Variants in NBEA observed in about 807,000 individuals in gnomAD.
The protein encoded by NBEA is lysosomal-trafficking regulator 2.
Under a neutral mutation model 343.4 loss-of-function variants are expected in NBEA, and 44 were observed. That is an observed-to-expected ratio of 0.13 (90% CI 0.10 to 0.16). NBEA has a LOEUF of 0.16. Among genes scored for constraint, NBEA ranks in the 10% least tolerant of loss-of-function variants. The probability of loss-of-function intolerance (pLI) is 1.00; values close to 1 mark genes in which losing one functional copy is unlikely to be tolerated. For synonymous variants in NBEA, 1,175 were observed against 1,238.7 expected (o/e 0.95, Z 1.08); for missense variants, 2,555 against 3,631.3 (o/e 0.70, Z 7.62).
intron 10 of NBEA, among the ~76,000 whole-genome samples, chr13:35,077,906 A>T (rs780607058): frequency 2.0e-5 from 3 of 152,186 alleles, no homozygotes; most frequent in Non-Finnish European, 4.4e-5. Flanking sequence ...ACATGTATTT[A>T]TGAATAAAAG....
At chr13:35,168,317 A>G (rs1184413026) in intron 24 of NBEA, among the ~76,000 whole-genome samples, 2 of 151,588 alleles carry the variant, frequency 1.3e-5, no homozygotes, top group Admixed American at 1.3e-4. Context: ...GAATATAATG[A>G]ATATAATTAT....
intron 45 of NBEA, among the ~76,000 whole-genome samples, chr13:35,568,073 C>T (rs1234726893): frequency 1.3e-5 from 2 of 152,160 alleles, no homozygotes; most frequent in African/African-American, 2.4e-5. Context: ...GATCTAATGA[C>T]ATGTACATTT....
At chr13:35,390,443 A>C (rs1452255262) in intron 38 of NBEA, among the ~76,000 whole-genome samples, 1 of 152,204 alleles carries the variant, frequency 6.6e-6, no homozygotes, top group Non-Finnish European at 1.5e-5. Flanking sequence ...TTCTTTCCCA[A>C]ACTGGAAACT....
At chr13:35,222,037 T>C (rs923419182) in intron 33 of NBEA, among the ~76,000 whole-genome samples, 1 of 152,174 alleles carries the variant, frequency 6.6e-6, no homozygotes, top group Admixed American at 6.6e-5. Flanking sequence ...AGCAGGAGAA[T>C]TTGCCTATTA....
At chr13:35,238,016 G>A (rs1204138815) in intron 34 of NBEA, among the ~76,000 whole-genome samples, 1 of 152,078 alleles carries the variant, frequency 6.6e-6, no homozygotes, top group African/African-American at 2.4e-5. Context: ...TTTTCTCTTA[G>A]CAATAATTAA....
chr13:34,971,243 T>G (rs1218557778), intron 1 of NBEA, among the ~76,000 whole-genome samples: 4 of 152,176 alleles, frequency 2.6e-5, no homozygotes, highest in Non-Finnish European at 5.9e-5. Flanking sequence ...AAGATTTCCC[T>G]GTAGTTGTTT....
chr13:35,101,711 G>A (rs1357326369), intron 11 of NBEA, among the ~76,000 whole-genome samples: 2 of 150,740 alleles, frequency 1.3e-5, no homozygotes, highest in African/African-American at 4.9e-5. Context: ...ATTTTCCTTT[G>A]GGATATCTTC....
intron 41 of NBEA, among the ~76,000 whole-genome samples, chr13:35,478,160 G>A (rs934074076): frequency 6.6e-6 from 1 of 152,104 alleles, no homozygotes; most frequent in Non-Finnish European, 1.5e-5. Context: ...TTGTTTGTGT[G>A]TTTTGTTTTG....
At chr13:35,090,979 A>T (rs2065051708) in intron 10 of NBEA, among the ~76,000 whole-genome samples, 1 of 151,902 alleles carries the variant, frequency 6.6e-6, no homozygotes, top group East Asian at 1.9e-4. Flanking sequence ...GAAAACCTGA[A>T]ATTGTGCACC....
At chr13:35,270,063 AC>A (rs2034006867) in intron 34 of NBEA, among the ~76,000 whole-genome samples, 1 of 152,100 alleles carries the variant, frequency 6.6e-6, no homozygotes, top group Non-Finnish European at 1.5e-5. Flanking sequence ...TTTTGACTTG[AC>A]CTGATGTTCT....
At chr13:35,119,243 T>C (rs2066662712) in intron 16 of NBEA, among the ~76,000 whole-genome samples, 1 of 152,196 alleles carries the variant, frequency 6.6e-6, no homozygotes, top group Non-Finnish European at 1.5e-5. Flanking sequence ...TCTTCGTTTT[T>C]ATTTTTCTGG....
intron 41 of NBEA, among the ~76,000 whole-genome samples, chr13:35,510,998 T>C (rs2077254064): frequency 1.3e-5 from 2 of 152,166 alleles, no homozygotes; most frequent in African/African-American, 4.8e-5. Flanking sequence ...GATAACATAA[T>C]AATAAGTAGA....
chr13:35,387,925 C>T (rs935105049), intron 38 of NBEA, among the ~76,000 whole-genome samples: 1 of 152,094 alleles, frequency 6.6e-6, no homozygotes, highest in African/African-American at 2.4e-5. Context: ...TAATCATCAT[C>T]GTCTGAAAGC....
chr13:35,378,034 C>T (rs1435166953), intron 38 of NBEA, among the ~76,000 whole-genome samples: 3 of 152,036 alleles, frequency 2.0e-5, no homozygotes, highest in African/African-American at 7.2e-5. Flanking sequence ...TATAGTTATT[C>T]TGATTACAAT....
chr13:34,959,961 A>G (rs538641617), intron 1 of NBEA, among the ~76,000 whole-genome samples: 2 of 152,270 alleles, frequency 1.3e-5, no homozygotes, highest in South Asian at 4.1e-4. Flanking sequence ...GCTATACTGT[A>G]CTTTTTATCA....
At chr13:35,663,260 C>A (rs1291074626) in intron 55 of NBEA, among the ~76,000 whole-genome samples, 1 of 152,174 alleles carries the variant, frequency 6.6e-6, no homozygotes, top group Non-Finnish European at 1.5e-5. Context: ...TACCCATTAA[C>A]CAACACCTTC....
At chr13:34,969,770 C>A (rs960444159) in intron 1 of NBEA, among the ~76,000 whole-genome samples, 3 of 149,976 alleles carry the variant, frequency 2.0e-5, no homozygotes, top group Non-Finnish European at 3.0e-5. Flanking sequence ...ATATATACCA[C>A]GTTTTTTTTT....
chr13:35,049,553 A>ATAC (rs2062991205), intron 5 of NBEA, among the ~76,000 whole-genome samples: 1 of 151,814 alleles, frequency 6.6e-6, no homozygotes, highest in African/African-American at 2.4e-5. Flanking sequence ...CTATTATAAA[A>ATAC]TATATATGGA....
At chr13:35,599,194 T>G (rs1167767151) in intron 47 of NBEA, among the ~76,000 whole-genome samples, 4 of 152,142 alleles carry the variant, frequency 2.6e-5, no homozygotes, top group Admixed American at 6.6e-5. Flanking sequence ...CCCTCCCACT[T>G]CTGCCTGCTG....
Sources: allele counts gnomAD v4.1 joint callset (sites outside exome capture counted in the v4.1 genomes callset), GRCh38; gene constraint gnomAD v4.1.1; transcripts MANE v1.5; gene names NCBI Gene and HGNC (gene_info 2026-07-23, HGNC 2026-07-21).